Variants in C8orf34 observed in about 807,000 individuals in gnomAD.
C8orf34 encodes chromosome 8 open reading frame 34, also known as uncharacterized protein C8orf34.
In C8orf34, 65 loss-of-function variants were observed where a neutral mutation model predicts 68.3. That is an observed-to-expected ratio of 0.95 (90% CI 0.78 to 1.17). The LOEUF (loss-of-function observed/expected upper bound fraction) is 1.17, where lower values mean the gene tolerates loss of function less well. C8orf34 is among the 50% of genes most tolerant of loss of function. C8orf34 has a pLI of 0.00. For synonymous variants in C8orf34, 244 were observed against 241.2 expected, an observed-to-expected ratio of 1.01 and a Z score of -0.11; for missense variants, 664 against 655.4, an observed-to-expected ratio of 1.01 and a Z score of -0.14.
intron 10 of C8orf34, among the ~76,000 whole-genome samples, chr8:68,775,550 A>G (rs992601354): frequency 3.9e-5 from 6 of 152,180 alleles, no homozygotes. Flanking sequence ...GATGACGGAG[A>G]ATTTACTAAT....
chr8:68,685,486 A>C (rs888486816), intron 8 of C8orf34, among the ~76,000 whole-genome samples: 5 of 152,252 alleles, frequency 3.3e-5, no homozygotes, highest in African/African-American at 1.2e-4. Flanking sequence ...CAAATTGATC[A>C]ACCCAACGTC....
Position 68,445,935 on chromosome 8 carries a change from G to A in C8orf34, c.476-394G>A, listed in dbSNP as rs143607844. Among the ~76,000 whole-genome samples, 369 of 152,048 alleles carry A rather than the reference G, an allele frequency of 2.4e-3. 1 individual carries two copies. Among genetic ancestry groups the A allele is most frequent in the African/African-American group, 8.6e-3 (356 of 41,474 alleles). ...CTCCTGAGTAGCTGTAATTACAGAC[G>A]CCCGCCATCATGCCCGGCTAATTTT... On this transcript the variant is annotated intron_variant, in intron 2 of 13. Transcript: ENST00000518698.
At chr8:68,804,308 T>C (rs1824419758) in intron 12 of C8orf34, among the ~76,000 whole-genome samples, 1 of 152,218 alleles carries the variant, frequency 6.6e-6, no homozygotes, top group African/African-American at 2.4e-5. Flanking sequence ...TTACTTATTC[T>C]GTACTTTTCG....
intron 12 of C8orf34, among the ~76,000 whole-genome samples, chr8:68,792,900 T>A (rs1238256229): frequency 1.3e-5 from 2 of 151,974 alleles, no homozygotes; most frequent in Admixed American, 6.6e-5. Flanking sequence ...TATGTGTGTA[T>A]GTATGCATAT....
intron 7 of C8orf34, among the ~76,000 whole-genome samples, chr8:68,548,924 T>C (rs1298141413): frequency 6.6e-6 from 1 of 151,844 alleles, no homozygotes; most frequent in Admixed American, 6.6e-5. Flanking sequence ...CAATTCATGT[T>C]GATGCCCTAA....
At chr8:68,443,784 G>A (rs192332352) in intron 2 of C8orf34, among the ~76,000 whole-genome samples, 3 of 152,220 alleles carry the variant, frequency 2.0e-5, no homozygotes, top group African/African-American at 7.2e-5. Context: ...AATATCTGAA[G>A]ATATCCTCTT....
At chr8:68,599,651 A>G (rs1338376145) in intron 7 of C8orf34, among the ~76,000 whole-genome samples, 1 of 152,076 alleles carries the variant, frequency 6.6e-6, no homozygotes, top group Admixed American at 6.6e-5. Context: ...AAAATGTATT[A>G]TACCCCCAGA....
At chr8:68,651,602 C>A (rs1563586622) in intron 8 of C8orf34, among the ~76,000 whole-genome samples, 1 of 152,156 alleles carries the variant, frequency 6.6e-6, no homozygotes, top group African/African-American at 2.4e-5. Flanking sequence ...TCCTTTGCAG[C>A]AGCATGGATG....
intron 10 of C8orf34, among the ~76,000 whole-genome samples, chr8:68,734,439 A>G (rs1232334753): frequency 2.6e-5 from 4 of 152,158 alleles, no homozygotes; most frequent in Admixed American, 2.0e-4. Context: ...GGGGAAATCA[A>G]TAATACTTTG....
At chr8:68,536,212 C>G (rs898076761) in intron 7 of C8orf34, among the ~76,000 whole-genome samples, 2 of 151,534 alleles carry the variant, frequency 1.3e-5, no homozygotes, top group Non-Finnish European at 2.9e-5. Flanking sequence ...GAAACCTCGT[C>G]TCTACAAAAA....
intron 7 of C8orf34, among the ~76,000 whole-genome samples, chr8:68,566,202 TGTTACATAG>T (rs1434166381): frequency 2.6e-5 from 4 of 152,188 alleles, no homozygotes; most frequent in Non-Finnish European, 5.9e-5. Flanking sequence ...TGTGAAGGTT[TGTTACATAG>T]GTTAAGTCAT....
chr8:68,493,201 C>A (rs1813387728), intron 5 of C8orf34, among the ~76,000 whole-genome samples: 1 of 152,136 alleles, frequency 6.6e-6, no homozygotes, highest in African/African-American at 2.4e-5. Context: ...TTCCGTGCAT[C>A]AAAGGACACA....
intron 7 of C8orf34, among the ~76,000 whole-genome samples, chr8:68,611,643 CT>C (rs1818027407): frequency 6.6e-6 from 1 of 152,086 alleles, no homozygotes; most frequent in Admixed American, 6.6e-5. Context: ...GTTTTATAAG[CT>C]TTTATTTTGT....
chr8:68,490,057 G>T lies in C8orf34; in HGVS notation c.765+2006G>T, dbSNP rs183933734. On this transcript the variant is annotated intron_variant, in intron 5 of 13. Transcript: ENST00000518698. Reference sequence around the variant, plus strand: ...AGGCATGGCTTTCCGGCCTTGTTCTGCTTTTCTAGTCCCCCCTCTGTGTGC... The same window carrying T: ...AGGCATGGCTTTCCGGCCTTGTTCTTCTTTTCTAGTCCCCCCTCTGTGTGC... 2.0e-5 allele frequency among the ~76,000 whole-genome samples: 3 copies of T among 152,266 alleles called. No individual in the cohort carries two copies. In the East Asian group the frequency reaches 5.8e-4, roughly 29 times the overall value.
intron 10 of C8orf34, among the ~76,000 whole-genome samples, chr8:68,741,951 C>T (rs926456725): frequency 4.6e-5 from 7 of 152,170 alleles, no homozygotes; most frequent in Non-Finnish European, 1.0e-4. Flanking sequence ...CATGACATAA[C>T]CAATCTATCC....
intron 7 of C8orf34, among the ~76,000 whole-genome samples, chr8:68,620,842 T>A (rs929156083): frequency 2.0e-5 from 3 of 152,034 alleles, no homozygotes; most frequent in Admixed American, 6.6e-5. Context: ...GGTCAGATTA[T>A]TTCTAGAAAA....
chr8:68,545,947 G>A (rs1272081089), intron 7 of C8orf34, among the ~76,000 whole-genome samples: 5 of 151,966 alleles, frequency 3.3e-5, no homozygotes, highest in Non-Finnish European at 5.9e-5. Context: ...AAGAATGATA[G>A]TAAATGAAAT....
chr8:68,464,387 T>C (rs1196705247), intron 3 of C8orf34, among the ~76,000 whole-genome samples: 25 of 152,046 alleles, frequency 1.6e-4, no homozygotes, highest in Admixed American at 9.8e-4. Context: ...AGGTAATTTA[T>C]AGATTCAATG....
chr8:68,506,613 C>A (rs1814033986), intron 5 of C8orf34, among the ~76,000 whole-genome samples: 1 of 152,106 alleles, frequency 6.6e-6, no homozygotes, highest in East Asian at 1.9e-4. Flanking sequence ...TCCTGGATGC[C>A]AACCTTTGTT....
Sources: gnomAD v4.1 joint callset for allele counts (sites outside exome capture counted in the v4.1 genomes callset) on GRCh38, gnomAD v4.1.1 for gene constraint, MANE v1.5 for transcripts, NCBI Gene and HGNC (gene_info 2026-07-23, HGNC 2026-07-21) for gene names.